ELF1: variants seen among roughly 807,000 people sequenced by gnomAD.
The protein encoded by ELF1 is ETS-related transcription factor Elf-1.
In ELF1, 24 loss-of-function variants were observed where a neutral mutation model predicts 59.9. The ratio of observed to expected loss-of-function variants is 0.40; its 90% CI spans 0.29 to 0.56. The LOEUF is 0.56. Ranked by LOEUF, ELF1 falls within the 20% of genes least tolerant of loss-of-function variation. ELF1 has a pLI of 0.44. For synonymous variants in ELF1, 248 were observed against 266.2 expected (o/e 0.93, Z 0.67); for missense variants, 627 against 742.2 (o/e 0.84, Z 1.80).
At chr13:41,034,580 AT>A (rs1329292141) in intron 1 of ELF1, among the ~76,000 whole-genome samples, 2 of 152,188 alleles carry the variant, frequency 1.3e-5, no homozygotes, top group Admixed American at 1.3e-4. Flanking sequence ...CATCATGCAT[AT>A]TTTGATTAAA....
At chr13:41,035,778 T>G (rs1430710112) in intron 1 of ELF1, among the ~76,000 whole-genome samples, 1 of 151,118 alleles carries the variant, frequency 6.6e-6, no homozygotes, top group African/African-American at 2.4e-5. Flanking sequence ...AAGTGGCCCT[T>G]CCATTCGACT....
chr13:40,953,233 C>T (rs1870975342), intron 3 of ELF1, among the ~76,000 whole-genome samples: 1 of 152,164 alleles, frequency 6.6e-6, no homozygotes, highest in South Asian at 2.1e-4. Flanking sequence ...GCCTCGGCCT[C>T]CCAAAGTGCT....
intron 2 of ELF1, among the ~76,000 whole-genome samples, chr13:40,974,963 A>G (rs1426538348): frequency 3.3e-5 from 5 of 152,258 alleles, no homozygotes; most frequent in Non-Finnish European, 7.3e-5. Flanking sequence ...CCTTTGATAA[A>G]GACTTTTCCA....
chr13:40,977,990 T>C (rs1873017828), intron 2 of ELF1, among the ~76,000 whole-genome samples: 1 of 152,136 alleles, frequency 6.6e-6, no homozygotes, highest in African/African-American at 2.4e-5. Flanking sequence ...CCACTATTTG[T>C]GGGAGTGGGG....
At chr13:40,938,907 T>C (rs997936829) in intron 8 of ELF1, among the ~76,000 whole-genome samples, 1 of 152,158 alleles carries the variant, frequency 6.6e-6, no homozygotes, top group Non-Finnish European at 1.5e-5. Flanking sequence ...TTTAGGTGGA[T>C]AGTAAATAAG....
At chr13:41,019,882 G>A (rs1057394643), upstream of ELF1, among the ~76,000 whole-genome samples, 5 of 152,164 alleles carry the variant, frequency 3.3e-5, no homozygotes, top group African/African-American at 1.2e-4. Flanking sequence ...GGAAAAATAA[G>A]TGTGAATTAA....
At chr13:41,047,679 G>T (rs531927465) in intron 1 of ELF1, among the ~76,000 whole-genome samples, 1 of 152,220 alleles carries the variant, frequency 6.6e-6, no homozygotes, top group East Asian at 1.9e-4. Flanking sequence ...TGAGGTGTCA[G>T]TCTGCCCCTA....
chr13:41,011,578 G>T (rs570406602), intron 1 of ELF1, among the ~76,000 whole-genome samples: 1 of 152,088 alleles, frequency 6.6e-6, no homozygotes, highest in South Asian at 2.1e-4. Flanking sequence ...CAAGTGGCTG[G>T]GACTACAGTC....
intron 2 of ELF1, among the ~76,000 whole-genome samples, chr13:40,972,773 T>C (rs762736030): frequency 1.3e-5 from 2 of 152,194 alleles, no homozygotes; most frequent in Non-Finnish European, 2.9e-5. Flanking sequence ...GGCTCCCAAA[T>C]TGATGTTTTT....
chr13:40,955,613 C>T (rs1313396833), intron 3 of ELF1, among the ~76,000 whole-genome samples: 2 of 82,480 alleles, frequency 2.4e-5, no homozygotes, highest in South Asian at 9.9e-4. Context: ...TCTGCCTGGC[C>T]GCCCCTACTG....
intron 2 of ELF1, among the ~76,000 whole-genome samples, chr13:40,964,870 G>A (rs1872081249): frequency 6.6e-6 from 1 of 152,064 alleles, no homozygotes; most frequent in Non-Finnish European, 1.5e-5. Context: ...CCAGGTAGTG[G>A]AGTAAGGGCT....
At chr13:40,945,023 C>G (rs563220442) in intron 5 of ELF1, among the ~76,000 whole-genome samples, 1 of 152,156 alleles carries the variant, frequency 6.6e-6, no homozygotes, top group South Asian at 2.1e-4. Context: ...CAAATGTATG[C>G]TAGTCAGCCA....
intron 3 of ELF1, among the ~76,000 whole-genome samples, chr13:40,956,279 C>A (rs941791238): frequency 9.9e-5 from 15 of 151,924 alleles, no homozygotes; most frequent in African/African-American, 3.6e-4. Context: ...TTACCCCCAA[C>A]CCTGTGCTCT....
At chr13:40,965,089 G>A (rs1419918295) in intron 2 of ELF1, among the ~76,000 whole-genome samples, 1 of 152,262 alleles carries the variant, frequency 6.6e-6, no homozygotes, top group East Asian at 1.9e-4. Flanking sequence ...TGTTCCCTCT[G>A]CCCGAAATAA....
chr13:40,942,905 T>C (rs763608702), intron 7 of ELF1, 47 bp downstream of exon 7: 66 of 1,431,782 alleles, frequency 4.6e-5, no homozygotes, highest in Non-Finnish European at 1.0e-5. Context: ...TTTTACAATT[T>C]AGAAAATGAT....
chr13:41,026,116 G>A (rs747670168), intron 1 of ELF1, among the ~76,000 whole-genome samples: 4 of 152,092 alleles, frequency 2.6e-5, no homozygotes, highest in Admixed American at 6.6e-5. Flanking sequence ...AATGAGCAAC[G>A]AGTAGCAACT....
chr13:40,944,703 T>A (rs1870398646), intron 5 of ELF1, among the ~76,000 whole-genome samples: 1 of 152,184 alleles, frequency 6.6e-6, no homozygotes, highest in Non-Finnish European at 1.5e-5. Context: ...TAGGTTGAGA[T>A]CATGATCATG....
chr13:40,955,341 A>G (rs866554865), intron 3 of ELF1, among the ~76,000 whole-genome samples: 37 of 126,696 alleles, frequency 2.9e-4, no homozygotes, highest in African/African-American at 1.0e-3. Context: ...TTAGCCCCCC[A>G]CCCGGCCAGC....
intron 8 of ELF1, among the ~76,000 whole-genome samples, chr13:40,935,682 T>C (rs1869719980): frequency 6.6e-6 from 1 of 151,866 alleles, no homozygotes; most frequent in Non-Finnish European, 1.5e-5. Context: ...ACCATTTTTT[T>C]TTTTTTTTTG....
Sources: allele counts gnomAD v4.1 joint callset (sites outside exome capture counted in the v4.1 genomes callset), GRCh38; gene constraint gnomAD v4.1.1; transcripts MANE v1.5; gene names NCBI Gene and HGNC (gene_info 2026-07-23, HGNC 2026-07-21).